The following STX8 variants were observed in gnomAD, a reference collection of about 807,000 sequenced individuals.
The protein encoded by STX8 is syntaxin 8.
Under a neutral mutation model 37.5 loss-of-function variants are expected in STX8, and 23 were observed. That is an observed-to-expected ratio of 0.61 (90% CI 0.44 to 0.87). STX8 has a LOEUF of 0.87. Ranked by LOEUF, STX8 falls within the 40% of genes least tolerant of loss-of-function variation. STX8 has a pLI of 0.00. For missense variants in STX8, 313 were observed against 284.7 expected (o/e 1.10, Z -0.71); for synonymous variants, 115 against 99.1 (o/e 1.16, Z -0.95).
chr17:9,327,557 G>T (rs79997048), intron 7 of STX8, among the ~76,000 whole-genome samples: 3 of 152,096 alleles, frequency 2.0e-5, no homozygotes, highest in Non-Finnish European at 4.4e-5. Flanking sequence ...AGTAAGGCCC[G>T]TCTGTTTGGA....
At chr17:9,551,820 ATGT>A (rs1906770804) in intron 3 of STX8, among the ~76,000 whole-genome samples, 1 of 151,810 alleles carries the variant, frequency 6.6e-6, no homozygotes, top group Non-Finnish European at 1.5e-5. Flanking sequence ...TTCAGAGCCG[ATGT>A]TGTTCCCACG....
chr17:9,530,385 TAC>T (rs974843163), intron 4 of STX8, among the ~76,000 whole-genome samples: 2 of 151,456 alleles, frequency 1.3e-5, no homozygotes, highest in African/African-American at 4.9e-5. Flanking sequence ...TTTCAGCAAA[TAC>T]AGTTTTCCAT....
At chr17:9,281,062 G>C (rs1206225300) in intron 7 of STX8, among the ~76,000 whole-genome samples, 1 of 152,160 alleles carries the variant, frequency 6.6e-6, no homozygotes, top group African/African-American at 2.4e-5. Context: ...TCAGCGGGAA[G>C]AAGTAATGGT....
At chr17:9,535,928 T>C (rs1440924290) in intron 4 of STX8, among the ~76,000 whole-genome samples, 2 of 152,150 alleles carry the variant, frequency 1.3e-5, no homozygotes, top group Non-Finnish European at 2.9e-5. Flanking sequence ...TACGTCACGA[T>C]TGGGAAAATC....
intron 4 of STX8, among the ~76,000 whole-genome samples, chr17:9,542,683 T>A (rs138691307): frequency 0.012 from 1,697 of 143,802 alleles, 27 homozygotes; most frequent in African/African-American, 0.043. Context: ...TCTCAAAAAA[T>A]AAATAAATAA....
At chr17:9,351,453 G>T (rs114289751) in intron 7 of STX8, among the ~76,000 whole-genome samples, 7 of 151,828 alleles carry the variant, frequency 4.6e-5, no homozygotes, top group Admixed American at 6.6e-5. Flanking sequence ...CACGGCGCCC[G>T]GCCTATTCAT....
intron 6 of STX8, among the ~76,000 whole-genome samples, chr17:9,455,399 C>T (rs1345172774): frequency 6.6e-6 from 1 of 151,494 alleles, no homozygotes; most frequent in Non-Finnish European, 1.5e-5. Context: ...ACTCGGGACA[C>T]TGAGGCAGGA....
chr17:9,505,090 G>C lies in STX8; in HGVS notation c.396C>G (p.Thr132=). 1 of 1,613,404 alleles carries C rather than the reference G, an allele frequency of 6.2e-7. No individual in the cohort carries two copies. The change falls in exon 5 of 8, where the codon ACC becomes ACG. Residue 132 remains threonine, a synonymous_variant. Coordinates refer to ENST00000306357, the MANE Select transcript of STX8 (RefSeq NM_004853.3). ...GGATTTCATCAAAACCCAAGCCTCT[G>C]GTCTCCTCTGGCTCCTCAAAGAGCC... is the stretch of plus-strand genomic sequence containing the variant. ...NPWLFEEPEE[T]RGLGFDEIRQ...
intron 4 of STX8, among the ~76,000 whole-genome samples, chr17:9,527,963 C>T (rs1882399711): frequency 6.6e-6 from 1 of 152,136 alleles, no homozygotes; most frequent in Non-Finnish European, 1.5e-5. Context: ...AACAACCCAA[C>T]GTCCATCAAA....
intron 7 of STX8, among the ~76,000 whole-genome samples, chr17:9,257,237 C>T (rs186813008): frequency 6.6e-6 from 1 of 152,256 alleles, no homozygotes; most frequent in Admixed American, 6.5e-5. Context: ...CAGCTCATGG[C>T]AATTAAAAAA....
At chr17:9,284,597 T>C (rs1215084770) in intron 7 of STX8, among the ~76,000 whole-genome samples, 2 of 152,162 alleles carry the variant, frequency 1.3e-5, no homozygotes, top group Non-Finnish European at 2.9e-5. Flanking sequence ...TTAAAAAATT[T>C]TTTTTCTTTA....
intron 7 of STX8, among the ~76,000 whole-genome samples, chr17:9,327,260 AGG>A (rs1909795656): frequency 6.8e-6 from 1 of 147,820 alleles, no homozygotes; most frequent in African/African-American, 2.6e-5. Flanking sequence ...AGGAGGAAGG[AGG>A]AGGAGGAAGG....
chr17:9,387,237 T>G (rs1912043289), intron 6 of STX8, among the ~76,000 whole-genome samples: 2 of 152,188 alleles, frequency 1.3e-5, no homozygotes, highest in African/African-American at 4.8e-5. Context: ...AGCTTCAGTC[T>G]TTGTCTCATC....
chr17:9,301,708 G>A (rs1908795209), intron 7 of STX8, among the ~76,000 whole-genome samples: 1 of 151,496 alleles, frequency 6.6e-6, no homozygotes, highest in Admixed American at 6.6e-5. Flanking sequence ...TAGCCAGGAT[G>A]GTCTTGATCT....
chr17:9,540,884 T>C (rs1344191476), intron 4 of STX8: 1 of 152,282 alleles, frequency 6.6e-6, no homozygotes, highest in African/African-American at 2.4e-5. Context: ...CCCTCAGGGA[T>C]TCAGTTACCT....
chr17:9,481,937 T>C (rs1906366513), intron 6 of STX8, among the ~76,000 whole-genome samples: 1 of 152,174 alleles, frequency 6.6e-6, no homozygotes, highest in Admixed American at 6.5e-5. Context: ...ATGGAAAAAC[T>C]GTCTTCCACA....
At chr17:9,441,616 C>T (rs1053926198) in intron 6 of STX8, among the ~76,000 whole-genome samples, 1 of 152,066 alleles carries the variant, frequency 6.6e-6, no homozygotes, top group Admixed American at 6.5e-5. Context: ...AATGGGGCTC[C>T]CCAAGGCGCT....
At chr17:9,286,176 C>A (rs1017827544) in intron 7 of STX8, among the ~76,000 whole-genome samples, 2 of 152,194 alleles carry the variant, frequency 1.3e-5, no homozygotes, top group Non-Finnish European at 2.9e-5. Flanking sequence ...TGATTTCAAA[C>A]CCCTGCCCAC....
intron 7 of STX8, among the ~76,000 whole-genome samples, chr17:9,312,411 G>A (rs896260024): frequency 2.6e-5 from 4 of 151,434 alleles, no homozygotes; most frequent in Non-Finnish European, 4.4e-5. Context: ...ACGTTGGTCA[G>A]GCTGGTCTCA....
Sources: allele counts gnomAD v4.1 joint callset (sites outside exome capture counted in the v4.1 genomes callset), GRCh38; gene constraint gnomAD v4.1.1; transcripts MANE v1.5; gene names NCBI Gene and HGNC (gene_info 2026-07-23, HGNC 2026-07-21).